Variants in DPP10 observed in about 807,000 individuals in gnomAD.
DPP10 encodes the protein inactive dipeptidyl peptidase 10.
In DPP10, 33 loss-of-function variants were observed where a neutral mutation model predicts 120.9. The observed-to-expected ratio is 0.27, with a 90% confidence interval of 0.21 to 0.37. DPP10 has a LOEUF of 0.37. DPP10 is among the 10% of genes least tolerant of loss of function. The pLI is 1.00. For synonymous variants in DPP10, 337 were observed against 326.1 expected, an observed-to-expected ratio of 1.03 and a Z score of -0.36; for missense variants, 816 against 942.8, an observed-to-expected ratio of 0.87 and a Z score of 1.76.
intron 3 of DPP10, among the ~76,000 whole-genome samples, chr2:115,382,387 G>A (rs573027201): frequency 1.7e-4 from 26 of 152,324 alleles, no homozygotes; most frequent in Middle Eastern, 3.4e-3. Flanking sequence ...TGCACTTCCT[G>A]AGTGAGGCAA....
At chr2:115,009,938 T>G (rs995719664) in intron 1 of DPP10, among the ~76,000 whole-genome samples, 8 of 152,214 alleles carry the variant, frequency 5.3e-5, no homozygotes, top group Non-Finnish European at 1.0e-4. Flanking sequence ...ACTGTAACAG[T>G]GGATGGTAGA....
chr2:114,804,870 T>G (rs1335677075), intron 1 of DPP10, among the ~76,000 whole-genome samples: 2 of 152,118 alleles, frequency 1.3e-5, no homozygotes, highest in Non-Finnish European at 2.9e-5. Context: ...TGATTGGTTT[T>G]GAAATGTGGG....
intron 3 of DPP10, among the ~76,000 whole-genome samples, chr2:115,415,878 C>CATATATATATATATAT (rs2069376617): frequency 1.8e-5 from 1 of 57,106 alleles, no homozygotes; most frequent in Admixed American, 2.0e-4. Flanking sequence ...TATATATATG[C>CATATATATATATATAT]ACACACACAC....
intron 1 of DPP10, among the ~76,000 whole-genome samples, chr2:114,447,539 T>G (rs750079799): frequency 5.3e-5 from 8 of 152,200 alleles, no homozygotes; most frequent in Non-Finnish European, 7.3e-5. Context: ...TATATGAAAT[T>G]CTAAGTGGAA....
intron 4 of DPP10, among the ~76,000 whole-genome samples, chr2:115,500,359 A>T (rs1187187207): frequency 6.6e-6 from 1 of 151,998 alleles, no homozygotes. Context: ...ATGAATGTAT[A>T]CAATACAGAC....
chr2:115,399,918 G>A (rs1046857968), intron 3 of DPP10, among the ~76,000 whole-genome samples: 2 of 152,110 alleles, frequency 1.3e-5, no homozygotes, highest in Non-Finnish European at 2.9e-5. Context: ...ATTGGCTCAT[G>A]GTTCTGCAGG....
chr2:115,380,998 T>C (rs892393431), intron 3 of DPP10, among the ~76,000 whole-genome samples: 1 of 152,330 alleles, frequency 6.6e-6, no homozygotes, highest in Non-Finnish European at 1.5e-5. Flanking sequence ...TTTTCCTTCA[T>C]TTCAACTTTG....
At chr2:115,513,861 T>G (rs951812510) in intron 4 of DPP10, among the ~76,000 whole-genome samples, 31 of 152,052 alleles carry the variant, frequency 2.0e-4, no homozygotes, top group Non-Finnish European at 3.1e-4. Flanking sequence ...GGTCATTTTG[T>G]GTCTTCATGT....
chr2:115,648,958 A>T (rs760481689), intron 5 of DPP10, among the ~76,000 whole-genome samples: 10 of 152,262 alleles, frequency 6.6e-5, no homozygotes, highest in South Asian at 6.2e-4. Flanking sequence ...GCAGTAATAA[A>T]GACCAGGTGG....
At chr2:115,677,947 T>A (rs566492521) in intron 5 of DPP10, among the ~76,000 whole-genome samples, 80 of 152,338 alleles carry the variant, frequency 5.3e-4, no homozygotes, top group African/African-American at 1.7e-3. Flanking sequence ...CATTTTATCC[T>A]TTAGCTGCAG....
intron 3 of DPP10, among the ~76,000 whole-genome samples, chr2:115,358,112 C>T (rs1029575880): frequency 6.6e-6 from 1 of 152,126 alleles, no homozygotes; most frequent in Non-Finnish European, 1.5e-5. Flanking sequence ...ATTGGGCCCC[C>T]TGTTGCTTAT....
At chr2:115,460,471 G>A (rs895285583) in intron 3 of DPP10, among the ~76,000 whole-genome samples, 1 of 152,132 alleles carries the variant, frequency 6.6e-6, no homozygotes, top group South Asian at 2.1e-4. Flanking sequence ...AGACTTAAGT[G>A]TTGCTTTTCT....
chr2:115,096,039 T>C (rs1302197708), intron 1 of DPP10, among the ~76,000 whole-genome samples: 2 of 152,104 alleles, frequency 1.3e-5, no homozygotes, highest in Non-Finnish European at 2.9e-5. Context: ...CATAAAATTT[T>C]TATGTTAAAT....
chr2:114,932,608 A>G (rs1454382804), intron 1 of DPP10, among the ~76,000 whole-genome samples: 3 of 152,212 alleles, frequency 2.0e-5, no homozygotes. Context: ...AGGTGAATCT[A>G]ATCTATTTTA....
chr2:115,486,166 C>A (rs1436540979), intron 3 of DPP10, among the ~76,000 whole-genome samples: 1 of 152,016 alleles, frequency 6.6e-6, no homozygotes, highest in Non-Finnish European at 1.5e-5. Flanking sequence ...ACCCATATGT[C>A]TTTTTCTTCT....
chr2:114,655,048 C>T (rs1006669433), intron 1 of DPP10, among the ~76,000 whole-genome samples: 6 of 152,078 alleles, frequency 3.9e-5, no homozygotes, highest in African/African-American at 1.4e-4. Context: ...CCTGTAACTT[C>T]GGTGCTTCAT....
Position 115,733,291 on chromosome 2 carries a change from T to C in DPP10, c.697+5355T>C, listed in dbSNP as rs554864739. Among the ~76,000 whole-genome samples, 23 of 152,330 alleles carry C rather than the reference T, an allele frequency of 1.5e-4. No homozygotes were observed. In the South Asian group the frequency reaches 4.6e-3, roughly 30 times the overall value. The stretch of plus-strand genomic sequence containing the variant: ...ACATGAAATTGCATTCATTTCATCA[T>C]TGATTCAACAAATATTTATTGAGCA... On this transcript the variant is annotated intron_variant, in intron 8 of 25. Coordinates refer to ENST00000410059, the MANE Select transcript of DPP10 (RefSeq NM_020868.6).
intron 1 of DPP10, among the ~76,000 whole-genome samples, chr2:114,942,328 C>CAT (rs1303204836): frequency 3.6e-4 from 39 of 109,432 alleles, no homozygotes; most frequent in Non-Finnish European, 5.9e-4. Context: ...TATACACACA[C>CAT]ATATATATAT....
chr2:115,229,861 T>A (rs1400132207), intron 1 of DPP10, among the ~76,000 whole-genome samples: 3 of 150,724 alleles, frequency 2.0e-5, no homozygotes, highest in Non-Finnish European at 4.4e-5. Flanking sequence ...TTTTCTTTTC[T>A]TTCTTTTTTT....
Sources: allele counts gnomAD v4.1 joint callset (sites outside exome capture counted in the v4.1 genomes callset), GRCh38; gene constraint gnomAD v4.1.1; transcripts MANE v1.5; gene names NCBI Gene and HGNC (gene_info 2026-07-23, HGNC 2026-07-21).